Variants in NTNG1 observed in about 807,000 individuals in gnomAD.
NTNG1 encodes the protein netrin G1.
NTNG1 carries 16 observed loss-of-function variants against 54.0 expected under a neutral mutation model. The ratio of observed to expected loss-of-function variants is 0.30; its 90% CI spans 0.20 to 0.45. The LOEUF is 0.45. NTNG1 is among the 20% of genes least tolerant of loss of function. NTNG1 has a pLI of 1.00. For synonymous variants in NTNG1, 255 were observed against 263.1 expected, an observed-to-expected ratio of 0.97 and a Z score of 0.30; for missense variants, 530 against 678.7, an observed-to-expected ratio of 0.78 and a Z score of 2.43.
intron 3 of NTNG1, among the ~76,000 whole-genome samples, chr1:107,332,946 T>C (rs1668369113): frequency 6.6e-6 from 1 of 151,950 alleles, no homozygotes; most frequent in Admixed American, 6.6e-5. Context: ...AATTTAAAAA[T>C]TACTTATGTT....
chr1:107,255,069 A>G (rs765925652), intron 2 of NTNG1, among the ~76,000 whole-genome samples: 1 of 152,196 alleles, frequency 6.6e-6, no homozygotes, highest in Admixed American at 6.5e-5. Context: ...GACTTTTAAT[A>G]CTATAGATTA....
At chr1:107,310,614 G>A (rs1666951460) in intron 2 of NTNG1, among the ~76,000 whole-genome samples, 1 of 152,050 alleles carries the variant, frequency 6.6e-6, no homozygotes, top group African/African-American at 2.4e-5. Context: ...ACATTGGCAT[G>A]TTATATATCA....
At chr1:107,317,946 G>A (rs1667431032) in intron 2 of NTNG1, among the ~76,000 whole-genome samples, 1 of 152,078 alleles carries the variant, frequency 6.6e-6, no homozygotes, top group Non-Finnish European at 1.5e-5. Context: ...TCTTAGGGTG[G>A]CCATATTTTC....
intron 1 of NTNG1, among the ~76,000 whole-genome samples, chr1:107,141,834 G>C (rs1557754665): frequency 6.6e-6 from 1 of 152,168 alleles, no homozygotes; most frequent in Non-Finnish European, 1.5e-5. Flanking sequence ...CGCTCAGGCG[G>C]CTTGTCGTTA....
At chr1:107,405,557 C>T (rs562728738) in intron 4 of NTNG1, among the ~76,000 whole-genome samples, 1 of 152,290 alleles carries the variant, frequency 6.6e-6, no homozygotes, top group African/African-American at 2.4e-5. Flanking sequence ...ATTTCTGCAT[C>T]TTTCCAAAGT....
At chr1:107,455,713 G>A (rs1308207645) in intron 7 of NTNG1, 31 of 402,466 alleles carry the variant, frequency 7.7e-5, no homozygotes, top group African/African-American at 2.2e-4. Context: ...AACAATACGC[G>A]GATGAGCCTT....
chr1:107,390,172 A>G (rs1570842892), intron 3 of NTNG1, among the ~76,000 whole-genome samples: 1 of 152,108 alleles, frequency 6.6e-6, no homozygotes, highest in Admixed American at 6.6e-5. Flanking sequence ...CTCACCCTCT[A>G]CTTGCAGTGT....
At chr1:107,204,324 T>C (rs116024069) in intron 2 of NTNG1, among the ~76,000 whole-genome samples, 395 of 152,300 alleles carry the variant, frequency 2.6e-3, no homozygotes, top group African/African-American at 9.2e-3. Context: ...TTTCTAACTA[T>C]TTTTTAACAA....
intron 3 of NTNG1, among the ~76,000 whole-genome samples, chr1:107,343,310 G>A (rs751440526): frequency 9.9e-5 from 15 of 152,064 alleles, no homozygotes; most frequent in Non-Finnish European, 1.3e-4. Flanking sequence ...AGAGCAAGCC[G>A]CCATGATGAT....
At chr1:107,184,500 G>C (rs961792507) in intron 2 of NTNG1, among the ~76,000 whole-genome samples, 1 of 152,076 alleles carries the variant, frequency 6.6e-6, no homozygotes, top group East Asian at 1.9e-4. Flanking sequence ...TGGGCCCAGA[G>C]ACCTCACCCC....
Position 107,375,250 on chromosome 1 carries a change from C to T in NTNG1, c.888-19904C>T, listed in dbSNP as rs140340527. ...TGAACTCACCTCAACTCCTTTGATC[C>T]GGGAGTCTAGTAGCTCAGCCTGCGT... On this transcript the variant is annotated intron_variant, in intron 3 of 7. Coordinates refer to ENST00000370068, the MANE Select transcript of NTNG1 (RefSeq NM_001113226.3). 4.7e-3 allele frequency among the ~76,000 whole-genome samples: 715 copies of T among 152,278 alleles called. 8 individuals carry two copies. Among genetic ancestry groups the T allele is most frequent in the African/African-American group, 0.016 (672 of 41,548 alleles).
At chr1:107,378,422 G>A (rs1445597496) in intron 3 of NTNG1, among the ~76,000 whole-genome samples, 1 of 152,150 alleles carries the variant, frequency 6.6e-6, no homozygotes, top group Admixed American at 6.5e-5. Context: ...ATCAGGGTCA[G>A]ACACTTCAAA....
intron 7 of NTNG1, among the ~76,000 whole-genome samples, chr1:107,464,182 C>T (rs1025411947): frequency 6.6e-5 from 10 of 152,182 alleles, no homozygotes; most frequent in African/African-American, 2.4e-4. Flanking sequence ...TTTCTTTCTT[C>T]GCAATCTGTG....
chr1:107,158,841 G>C (rs1179012323), intron 2 of NTNG1, among the ~76,000 whole-genome samples: 2 of 152,088 alleles, frequency 1.3e-5, no homozygotes, highest in African/African-American at 4.8e-5. Flanking sequence ...TCTAGAAAAA[G>C]AATTCTATAT....
chr1:107,275,531 A>T (rs1395473239), intron 2 of NTNG1, among the ~76,000 whole-genome samples: 1 of 152,158 alleles, frequency 6.6e-6, no homozygotes, highest in African/African-American at 2.4e-5. Flanking sequence ...GAGTCCAAAG[A>T]GCTGAGAACC....
rs566291790 is a variant in NTNG1 at position 107,285,343 on chromosome 1, A to G, written c.247-38939A>G. Among the ~76,000 whole-genome samples, 188 of 152,288 alleles carry G rather than the reference A, an allele frequency of 1.2e-3. 1 individual carries two copies. The highest frequency in any genetic ancestry group is 2.2e-3 in the Non-Finnish European group (151 of 67,996). On this transcript the variant is annotated intron_variant, in intron 2 of 7. Transcript: ENST00000370068. Reference sequence around the variant, plus strand: ...ATGGTTACTGATGATGAATCATAGGAAAAATGAACAGCTAAACAGCCTAAT... The same window carrying G: ...ATGGTTACTGATGATGAATCATAGGGAAAATGAACAGCTAAACAGCCTAAT...
intron 3 of NTNG1, among the ~76,000 whole-genome samples, chr1:107,347,130 A>G (rs185436098): frequency 6.6e-6 from 1 of 152,186 alleles, no homozygotes; most frequent in Admixed American, 6.5e-5. Context: ...GACTGGATTC[A>G]AATCCATCTC....
At position 107,433,650 on chromosome 1, in the gene NTNG1, C is replaced by T. The variant is rs112809935; in HGVS notation, c.1255+2733C>T. On this transcript the variant is annotated intron_variant, in intron 6 of 7. Transcript: ENST00000370068. ...TTTTCTAAAGAAGAAAATTGTGTTT[C>T]AAGAATGAATAGAAAAATTTAGCTA... Among the ~76,000 whole-genome samples the T allele has an allele frequency of 8.2e-3, 1,243 of 152,280 alleles. 19 individuals carry two copies. Among genetic ancestry groups the T allele is most frequent in the African/African-American group, 0.028 (1,156 of 41,558 alleles).
In NTNG1 at chr1:107,148,688, T is replaced by C; in HGVS notation, c.95T>C (p.Leu32Ser). 1 of 1,613,710 alleles carries C rather than the reference T, an allele frequency of 6.2e-7. No individual in the cohort carries two copies. The highest frequency in any genetic ancestry group is 8.5e-7 in the Non-Finnish European group (1 of 1,179,738). ...CCTTTGGTTTGGGGACATTATGATTTGTGTAAGACTCAGATTTACACGGAA... is the reference window on the plus strand; with the variant it reads ...CCTTTGGTTTGGGGACATTATGATTCGTGTAAGACTCAGATTTACACGGAA... ...PYPLVWGHYD[L>S]CKTQIYTEEG... Residue 32 changes from leucine (L) to serine (S), a missense_variant, in exon 2 of 8, where the codon TTG (leucine) becomes TCG (serine). Leu to Ser is a moderately radical substitution (Grantham distance 145, BLOSUM62 -2). This residue lies in a region of NTNG1 where 318 missense variants were observed against 465.1 expected (regional missense o/e 0.68). Coordinates refer to ENST00000370068, the MANE Select transcript of NTNG1 (RefSeq NM_001113226.3).
Sources: gnomAD v4.1 joint callset for allele counts (sites outside exome capture counted in the v4.1 genomes callset) on GRCh38, gnomAD v4.1.1 for gene constraint, gnomAD v4.1.1 regional missense constraint, MANE v1.5 for transcripts, NCBI Gene and HGNC (gene_info 2026-07-23, HGNC 2026-07-21) for gene names.